The following MCC variants were observed in gnomAD, a reference collection of about 807,000 sequenced individuals.
MCC encodes the protein MCC regulator of Wnt signaling pathway.
In MCC, 90 loss-of-function variants were observed where a neutral mutation model predicts 116.2. The observed-to-expected ratio is 0.77, with a 90% CI of 0.65 to 0.92. The LOEUF is 0.92. MCC is among the 40% of genes least tolerant of loss of function. The pLI is 0.00. For synonymous variants in MCC, 578 were observed against 510.5 expected (o/e 1.13, Z -1.78); for missense variants, 1,516 against 1,312.2 (o/e 1.16, Z -2.40).
intron 3 of MCC, among the ~76,000 whole-genome samples, chr5:113,290,459 T>C (rs1043995998): frequency 6.6e-6 from 1 of 152,222 alleles, no homozygotes; most frequent in Non-Finnish European, 1.5e-5. Flanking sequence ...GGGAGAAATT[T>C]TTTAAAAATA....
chr5:113,332,423 G>T (rs1305281009), intron 3 of MCC, among the ~76,000 whole-genome samples: 2 of 151,346 alleles, frequency 1.3e-5, no homozygotes, highest in Non-Finnish European at 2.9e-5. Flanking sequence ...AAGAAGGATA[G>T]AAGAGGCCAG....
At chr5:113,238,276 T>C (rs886647577) in intron 3 of MCC, among the ~76,000 whole-genome samples, 1 of 147,892 alleles carries the variant, frequency 6.8e-6, no homozygotes. Context: ...TTTTTTCCTG[T>C]TTTTTTTAAT....
chr5:113,046,225 C>G (rs1325107707), intron 16 of MCC, among the ~76,000 whole-genome samples: 1 of 151,590 alleles, frequency 6.6e-6, no homozygotes, highest in Non-Finnish European at 1.5e-5. Flanking sequence ...CAGAGTCTGA[C>G]TCTGTCGCCC....
chr5:113,131,934 A>C (rs1387736063), intron 5 of MCC, among the ~76,000 whole-genome samples: 1 of 152,090 alleles, frequency 6.6e-6, no homozygotes, highest in Non-Finnish European at 1.5e-5. Context: ...GACCAACCAT[A>C]TGCACCCTCT....
intron 3 of MCC, among the ~76,000 whole-genome samples, chr5:113,190,263 G>A (rs978866228): frequency 6.6e-6 from 1 of 152,106 alleles, no homozygotes; most frequent in Non-Finnish European, 1.5e-5. Flanking sequence ...AAACTGGTAG[G>A]GCTCTAACAA....
chr5:113,403,456 G>A (rs1253644102), intron 1 of MCC, among the ~76,000 whole-genome samples: 2 of 152,138 alleles, frequency 1.3e-5, no homozygotes, highest in East Asian at 3.8e-4. Context: ...AATGAGTACT[G>A]TGAACTAGGT....
intron 2 of MCC, among the ~76,000 whole-genome samples, chr5:113,371,013 TTCGAGACCAG>T (rs1768824568): frequency 1.3e-5 from 2 of 151,964 alleles, no homozygotes; most frequent in African/African-American, 4.8e-5. Context: ...AGGTCAGGAG[TTCGAGACCAG>T]CCTGGCCAAC....
At chr5:113,373,294 GACAT>G (rs532015594) in intron 2 of MCC, among the ~76,000 whole-genome samples, 6 of 152,016 alleles carry the variant, frequency 3.9e-5, no homozygotes, top group Non-Finnish European at 1.5e-5. Context: ...TTCTGCATGT[GACAT>G]ACTCTGAAAA....
intron 11 of MCC, among the ~76,000 whole-genome samples, chr5:113,082,286 A>G (rs1754915348): frequency 6.6e-6 from 1 of 152,268 alleles, no homozygotes; most frequent in Non-Finnish European, 1.5e-5. Flanking sequence ...ATTTGCGAAG[A>G]ACATAAATAA....
At position 113,049,275 on chromosome 5, in the gene MCC, G is replaced by A. The variant is rs1480756735; in HGVS notation, c.2473C>T (p.Gln825Ter). The A allele has an allele frequency of 6.2e-7, 1 of 1,606,636 alleles. No individual in the cohort carries two copies. Among genetic ancestry groups the A allele is most frequent in the Non-Finnish European group, 8.5e-7 (1 of 1,176,268 alleles). The change falls in exon 16 of 19, where the codon CAG becomes TAG. Residue 825 changes from glutamine (Q) to a stop codon, truncating the protein, a stop_gained. Coordinates refer to ENST00000408903, the MANE Select transcript of MCC (RefSeq NM_001085377.2). LOFTEE classifies it high-confidence loss of function. Reference protein sequence around the residue: ...MKEEMAELKAQLYLLEKEKKA... With the variant: ...MKEEMAELKA ...TTCTCTTTCTCCAGTAGGTAGAGCTGGGCCTTCAACTCGGCCATCTCCTCC... is the reference window on the plus strand; with the variant it reads ...TTCTCTTTCTCCAGTAGGTAGAGCTAGGCCTTCAACTCGGCCATCTCCTCC...
intron 5 of MCC, among the ~76,000 whole-genome samples, chr5:113,126,734 T>G (rs556874920): frequency 2.0e-5 from 3 of 152,354 alleles, no homozygotes; most frequent in African/African-American, 7.2e-5. Flanking sequence ...TATGTGTTAA[T>G]TGACTGCTTA....
chr5:113,344,817 G>A lies in MCC; in HGVS notation c.416-4087C>T, dbSNP rs574005078. Reference sequence around the variant, plus strand: ...GCTGTACTTGCCGTGGGCCTTAGGTGAGACTCAGAGCTATGCTGGTTTCAG... The same window carrying A: ...GCTGTACTTGCCGTGGGCCTTAGGTAAGACTCAGAGCTATGCTGGTTTCAG... On this transcript the variant is annotated intron_variant, in intron 2 of 18. Coordinates refer to ENST00000408903, the MANE Select transcript of MCC (RefSeq NM_001085377.2). Among the ~76,000 whole-genome samples the A allele has an allele frequency of 6.5e-4, 99 of 152,202 alleles. No individual in the cohort carries two copies. The Middle Eastern group carries it at 0.014, about 21-fold the overall frequency.
chr5:113,104,138 A>T (rs1756591533), intron 7 of MCC, 54 bp downstream of exon 7: 1 of 1,508,514 alleles, frequency 6.6e-7, no homozygotes. Context: ...GAAGGATTGG[A>T]CCATTTCCCT....
At position 113,213,856 on chromosome 5, in the gene MCC, A is replaced by C. The variant is rs553154177; in HGVS notation, c.628-62434T>G. ...ACTTACCCAAAGCTACTTTGTCCGAAAGAGGACAGACAAATCAGCTAATCC... is the reference window on the plus strand; with the variant it reads ...ACTTACCCAAAGCTACTTTGTCCGACAGAGGACAGACAAATCAGCTAATCC... On this transcript the variant is annotated intron_variant, in intron 3 of 18. Coordinates refer to ENST00000408903, the MANE Select transcript of MCC (RefSeq NM_001085377.2). Among the ~76,000 whole-genome samples, 9 of 152,310 alleles carry C rather than the reference A, an allele frequency of 5.9e-5. No homozygotes were observed. The South Asian group carries it at 1.9e-3, about 32-fold the overall frequency.
chr5:113,366,531 A>G (rs1340310809), intron 2 of MCC, among the ~76,000 whole-genome samples: 2 of 152,304 alleles, frequency 1.3e-5, no homozygotes, highest in South Asian at 4.1e-4. Flanking sequence ...CAGAATATAT[A>G]GCCCTCTAGG....
At chr5:113,205,728 G>A (rs1054229119) in intron 3 of MCC, among the ~76,000 whole-genome samples, 15 of 152,214 alleles carry the variant, frequency 9.9e-5, no homozygotes, top group South Asian at 8.3e-4. Context: ...TTTAAATAAC[G>A]GGAATCTAAG....
chr5:113,351,236 C>T (rs1768260514), intron 2 of MCC, among the ~76,000 whole-genome samples: 1 of 152,098 alleles, frequency 6.6e-6, no homozygotes, highest in African/African-American at 2.4e-5. Context: ...ATCTACACTC[C>T]CATGTTCATT....
At chr5:113,459,700 G>A (rs1455649380) in intron 1 of MCC, among the ~76,000 whole-genome samples, 2 of 152,038 alleles carry the variant, frequency 1.3e-5, no homozygotes, top group East Asian at 1.9e-4. Flanking sequence ...GTCGCTGCTC[G>A]CCCATTCTAC....
At chr5:113,416,255 T>C (rs966881205) in intron 1 of MCC, among the ~76,000 whole-genome samples, 4 of 152,222 alleles carry the variant, frequency 2.6e-5, no homozygotes, top group African/African-American at 9.6e-5. Context: ...AAAATGTTCA[T>C]TTAAACAATG....
Sources: gnomAD v4.1 joint callset for allele counts (sites outside exome capture counted in the v4.1 genomes callset) on GRCh38, gnomAD v4.1.1 for gene constraint, MANE v1.5 for transcripts, NCBI Gene and HGNC (gene_info 2026-07-23, HGNC 2026-07-21) for gene names.